AGBL4: variants seen among roughly 807,000 people sequenced by gnomAD.
AGBL4 encodes AGBL carboxypeptidase 4, also known as cytosolic carboxypeptidase 6.
Under a neutral mutation model 66.4 loss-of-function variants are expected in AGBL4, and 58 were observed. The observed-to-expected ratio is 0.87, with a 90% CI of 0.71 to 1.09. The LOEUF is 1.09. Among genes scored for constraint, AGBL4 ranks in the 50% least tolerant of loss-of-function variants. The probability of loss-of-function intolerance (pLI) is 0.00; values close to 1 mark genes in which losing one functional copy is unlikely to be tolerated. For missense variants in AGBL4, 579 were observed against 631.0 expected (o/e 0.92, Z 0.88); for synonymous variants, 234 against 222.9 (o/e 1.05, Z -0.44).
intron 4 of AGBL4, among the ~76,000 whole-genome samples, chr1:49,047,615 G>A (rs1251007465): frequency 1.3e-5 from 2 of 152,116 alleles, no homozygotes; most frequent in Non-Finnish European, 2.9e-5. Context: ...GGAGGAAAAT[G>A]ACCCCTCCTG....
intron 11 of AGBL4, among the ~76,000 whole-genome samples, chr1:48,561,890 C>G (rs1354335134): frequency 6.6e-6 from 1 of 152,182 alleles, no homozygotes; most frequent in Non-Finnish European, 1.5e-5. Context: ...TTTGGGACTT[C>G]TCAGCCTCCA....
chr1:48,778,139 C>A (rs947587573), intron 6 of AGBL4, among the ~76,000 whole-genome samples: 18 of 131,452 alleles, frequency 1.4e-4, no homozygotes, highest in Non-Finnish European at 2.8e-4. Context: ...AAACCCACAT[C>A]CATCCATCCA....
Position 49,597,308 on chromosome 1 carries a change from T to C in AGBL4, c.282+100005A>G, listed in dbSNP as rs149790258. Among the ~76,000 whole-genome samples the C allele has an allele frequency of 4.3e-3, 653 of 152,302 alleles. 4 individuals are homozygous for C. The highest frequency in any genetic ancestry group is 0.014 in the Admixed American group (209 of 15,298). ...ATAGCTTACAGCCTTATAATGCATATAGATATTAAATGAACAATTTCAATT... is the reference window on the plus strand; with the variant it reads ...ATAGCTTACAGCCTTATAATGCATACAGATATTAAATGAACAATTTCAATT... On this transcript the variant is annotated intron_variant, in intron 3 of 13. Coordinates refer to ENST00000371839, the MANE Select transcript of AGBL4 (RefSeq NM_032785.4).
intron 6 of AGBL4, among the ~76,000 whole-genome samples, chr1:48,838,753 C>G (rs1646737541): frequency 6.6e-6 from 1 of 152,092 alleles, no homozygotes; most frequent in South Asian, 2.1e-4. Context: ...AAGAGACAAA[C>G]TACAGAGTGG....
intron 1 of AGBL4, among the ~76,000 whole-genome samples, chr1:49,983,875 A>C (rs1158441229): frequency 2.0e-5 from 3 of 152,208 alleles, no homozygotes; most frequent in Non-Finnish European, 4.4e-5. Context: ...GTGGCCCAGG[A>C]GACCCCAGAA....
chr1:49,567,471 A>G (rs928176204), intron 3 of AGBL4, among the ~76,000 whole-genome samples: 23 of 152,338 alleles, frequency 1.5e-4, no homozygotes, highest in Admixed American at 7.2e-4. Context: ...TTATATGAAC[A>G]GTGATAATTA....
At chr1:48,612,881 C>G (rs1267426197) in intron 9 of AGBL4, among the ~76,000 whole-genome samples, 2 of 152,146 alleles carry the variant, frequency 1.3e-5, no homozygotes, top group Non-Finnish European at 2.9e-5. Flanking sequence ...CGCCTGTAAT[C>G]CCAGCACTTT....
At chr1:49,642,057 A>T (rs935916560) in intron 3 of AGBL4, among the ~76,000 whole-genome samples, 3 of 77,056 alleles carry the variant, frequency 3.9e-5, no homozygotes, top group Non-Finnish European at 8.2e-5. Context: ...TACGAATAGA[A>T]AACTAGGGAG....
Position 49,203,865 on chromosome 1 carries a change from C to T in AGBL4, c.377+41905G>A, listed in dbSNP as rs191373166. 5.3e-3 allele frequency among the ~76,000 whole-genome samples: 805 copies of T among 152,230 alleles called. 3 individuals are homozygous for T. Among genetic ancestry groups the T allele is most frequent in the Admixed American group, 8.6e-3 (131 of 15,272 alleles). On this transcript the variant is annotated intron_variant, in intron 4 of 13. Coordinates refer to ENST00000371839, the MANE Select transcript of AGBL4 (RefSeq NM_032785.4). The stretch of plus-strand genomic sequence containing the variant: ...AGAAAAGTGTTAGAGATATGTTGTA[C>T]AACAATATGCATGTAGTTAAAAATA...
chr1:49,287,432 C>T (rs1315022664), intron 3 of AGBL4, among the ~76,000 whole-genome samples: 12 of 149,206 alleles, frequency 8.0e-5, no homozygotes, highest in African/African-American at 2.5e-4. Flanking sequence ...AGGCAACCTA[C>T]AAAATGGGAG....
intron 11 of AGBL4, among the ~76,000 whole-genome samples, chr1:48,564,479 T>C (rs1644444558): frequency 6.6e-6 from 1 of 151,496 alleles, no homozygotes; most frequent in African/African-American, 2.4e-5. Flanking sequence ...ACCTCTGGGC[T>C]CCTCCTCATA....
intron 4 of AGBL4, among the ~76,000 whole-genome samples, chr1:49,202,976 T>C (rs528304623): frequency 2.7e-5 from 4 of 150,704 alleles, no homozygotes; most frequent in South Asian, 4.2e-4. Context: ...AAAGTAGATA[T>C]AGAAATGGCC....
intron 6 of AGBL4, among the ~76,000 whole-genome samples, chr1:48,698,356 T>C (rs879587708): frequency 3.9e-5 from 6 of 152,062 alleles, no homozygotes; most frequent in Admixed American, 6.5e-5. Context: ...GTCACTACGG[T>C]ACAGTGGGAG....
chr1:48,643,059 A>G (rs1645782300), intron 8 of AGBL4, among the ~76,000 whole-genome samples: 1 of 152,220 alleles, frequency 6.6e-6, no homozygotes, highest in South Asian at 2.1e-4. Context: ...ATGAAATCAT[A>G]CAGGTAAAAT....
chr1:49,464,347 T>C (rs892090589), intron 3 of AGBL4, among the ~76,000 whole-genome samples: 2 of 151,816 alleles, frequency 1.3e-5, no homozygotes, highest in African/African-American at 4.8e-5. Context: ...TGTTACACTA[T>C]GTTCACATTA....
intron 3 of AGBL4, among the ~76,000 whole-genome samples, chr1:49,299,881 T>G (rs537179008): frequency 1.3e-5 from 2 of 152,274 alleles, no homozygotes; most frequent in South Asian, 4.1e-4. Context: ...CTGTCAATTT[T>G]TTTTCCATAG....
intron 3 of AGBL4, among the ~76,000 whole-genome samples, chr1:49,323,562 G>T (rs114901872): frequency 0.013 from 1,945 of 150,100 alleles, 42 homozygotes; most frequent in African/African-American, 0.046. Context: ...CTCCCTAAGT[G>T]CTAGGATTAG....
At chr1:48,619,893 T>C (rs968252967) in intron 9 of AGBL4, among the ~76,000 whole-genome samples, 1 of 152,166 alleles carries the variant, frequency 6.6e-6, no homozygotes, top group Non-Finnish European at 1.5e-5. Flanking sequence ...TCTCCTGGTG[T>C]CTGGAATCGC....
chr1:49,847,513 C>T (rs541752798), intron 2 of AGBL4, among the ~76,000 whole-genome samples: 32 of 152,172 alleles, frequency 2.1e-4, no homozygotes, highest in African/African-American at 5.8e-4. Context: ...CACTATACAT[C>T]GGACAGGGGA....
Sources: gnomAD v4.1 joint callset for allele counts (sites outside exome capture counted in the v4.1 genomes callset) on GRCh38, gnomAD v4.1.1 for gene constraint, MANE v1.5 for transcripts, NCBI Gene and HGNC (gene_info 2026-07-23, HGNC 2026-07-21) for gene names.